ARHGEF10L: variants seen among roughly 807,000 people sequenced by gnomAD.
ARHGEF10L encodes the protein Rho guanine nucleotide exchange factor 10 like.
ARHGEF10L carries 69 observed loss-of-function variants against 141.2 expected under a neutral mutation model. The ratio of observed to expected loss-of-function variants is 0.49; its 90% CI spans 0.40 to 0.60. The LOEUF (loss-of-function observed/expected upper bound fraction) is 0.60, where lower values mean the gene tolerates loss of function less well. Ranked by LOEUF, ARHGEF10L falls within the 20% of genes least tolerant of loss-of-function variation. The probability of loss-of-function intolerance (pLI) is 0.00; values close to 1 mark genes in which losing one functional copy is unlikely to be tolerated. For synonymous variants in ARHGEF10L, 711 were observed against 718.5 expected (o/e 0.99, Z 0.17); for missense variants, 1,482 against 1,734.3 (o/e 0.85, Z 2.58).
rs1441766538 is a variant in ARHGEF10L at position 17,539,714 on chromosome 1, C to A, written c.-280C>A. ...GGCGGCGCCGCGTCGCGCACGGCGGCGGCGGCGGGACCAGGCCTCGGAGCG... is the reference window on the plus strand; with the variant it reads ...GGCGGCGCCGCGTCGCGCACGGCGGAGGCGGCGGGACCAGGCCTCGGAGCG... On this transcript the variant is annotated 5_prime_UTR_variant, in exon 1 of 29. Coordinates refer to ENST00000361221, the MANE Select transcript of ARHGEF10L (RefSeq NM_018125.4). The surrounding 1 kb of genome is among the most constrained non-coding windows in gnomAD (Gnocchi z 6.0). The A allele has an allele frequency of 1.4e-5, 2 of 144,962 alleles. No homozygotes were observed. Among genetic ancestry groups the A allele is most frequent in the Non-Finnish European group, 3.1e-5 (2 of 65,274 alleles). The allele number at this position is 144,962 out of a possible 1,614,324, so 9.0% of individuals were successfully genotyped here.
chr1:17,539,109 G>T (rs1445798397), upstream of ARHGEF10L, among the ~76,000 whole-genome samples: 1 of 152,150 alleles, frequency 6.6e-6, no homozygotes, highest in Non-Finnish European at 1.5e-5. This position sits in a 1 kb window ranked among gnomAD's most constrained non-coding sequence, Gnocchi z 6.0. Flanking sequence ...GGAAAATGGG[G>T]CTACATCACT....
At chr1:17,599,393 T>C (rs1260223434) in intron 4 of ARHGEF10L, among the ~76,000 whole-genome samples, 1 of 150,942 alleles carries the variant, frequency 6.6e-6, no homozygotes, top group Non-Finnish European at 1.5e-5. Flanking sequence ...GAGCAAGCAG[T>C]GCATGGCGGA....
In ARHGEF10L at chr1:17,656,181, G is replaced by A. The variant is rs527352937; in HGVS notation, c.2705+79G>A. The stretch of plus-strand genomic sequence containing the variant: ...GTGGGGGCTGTCCCTGTAGCCTTCC[G>A]GATCTGCCTGTTGCCCACCAACATT... On this transcript the variant is annotated intron_variant, in intron 24 of 28. Coordinates refer to ENST00000361221, the MANE Select transcript of ARHGEF10L (RefSeq NM_018125.4). The surrounding 1 kb of genome is among the most constrained non-coding windows in gnomAD (Gnocchi z 4.9). 1.5e-4 allele frequency: 210 copies of A among 1,436,410 alleles called. No individual in the cohort carries two copies. The African/African-American group carries it at 2.1e-3, about 14-fold the overall frequency. 89.0% of individuals were successfully genotyped at this position (1,436,410 alleles called of 1,614,324 possible).
chr1:17,623,133 G>A lies in ARHGEF10L; in HGVS notation c.1158G>A (p.Glu386=). 1 of 1,613,952 alleles carries A rather than the reference G, an allele frequency of 6.2e-7. No homozygotes were observed. The highest frequency in any genetic ancestry group is 8.5e-7 in the Non-Finnish European group (1 of 1,179,942). Residue 386 remains glutamate (E), a synonymous_variant, in exon 12 of 29, where the codon GAG becomes GAA. Coordinates refer to ENST00000361221, the MANE Select transcript of ARHGEF10L (RefSeq NM_018125.4). The surrounding 1 kb of genome is among the most constrained non-coding windows in gnomAD (Gnocchi z 4.7). ...FQIALSSRVA[E]WDSTEKIGDL... is the part of the protein sequence containing the mutation. ...TCGCCCTGTCCTCCCGCGTGGCTGA[G>A]TGGGATTCCACCGAGAAGATCGGGG...
At chr1:17,694,877 G>T in intron 27 of ARHGEF10L, 1 of 610,518 alleles carries the variant, frequency 1.6e-6, no homozygotes, top group South Asian at 1.5e-5. Context: ...CACAGACCAG[G>T]CGCTGTGCCT....
At chr1:17,626,334 G>T (rs888348020) in intron 14 of ARHGEF10L, among the ~76,000 whole-genome samples, 1 of 152,156 alleles carries the variant, frequency 6.6e-6, no homozygotes, top group African/African-American at 2.4e-5. Flanking sequence ...GGGACCCGCA[G>T]GGCTCCTGGC....
At chr1:17,661,599 A>G (rs1294109200) in intron 25 of ARHGEF10L, among the ~76,000 whole-genome samples, 1 of 152,052 alleles carries the variant, frequency 6.6e-6, no homozygotes, top group African/African-American at 2.4e-5. Flanking sequence ...GGTGGCTATC[A>G]CTGTTGGATA....
chr1:17,633,654 G>A (rs867321409), intron 16 of ARHGEF10L, among the ~76,000 whole-genome samples: 12 of 152,132 alleles, frequency 7.9e-5, no homozygotes, highest in Non-Finnish European at 1.3e-4. Context: ...GCCCCACCTC[G>A]ACACCACTTT....
chr1:17,682,084 G>A (rs2064171943), intron 26 of ARHGEF10L, among the ~76,000 whole-genome samples: 2 of 151,946 alleles, frequency 1.3e-5, no homozygotes, highest in Non-Finnish European at 2.9e-5. Flanking sequence ...ACCCCTTCGT[G>A]TTGGCTCCTG....
At chr1:17,538,930 A>T (rs1405660632), upstream of ARHGEF10L, among the ~76,000 whole-genome samples, 2 of 152,236 alleles carry the variant, frequency 1.3e-5, no homozygotes, top group Non-Finnish European at 2.9e-5. Flanking sequence ...ACTGTAATTA[A>T]TTGCATCATA....
the ARHGEF10L span, among the ~76,000 whole-genome samples, chr1:17,515,071 C>T: frequency 1.3e-5 from 2 of 152,152 alleles, no homozygotes; most frequent in Non-Finnish European, 2.9e-5. Flanking sequence ...GGATAAAATG[C>T]CCAGCCTGCT....
chr1:17,689,194 G>A (rs944671253), intron 27 of ARHGEF10L, among the ~76,000 whole-genome samples: 19 of 152,050 alleles, frequency 1.2e-4, no homozygotes, highest in Non-Finnish European at 8.8e-5. Context: ...TGGAGAAAGA[G>A]AGTTGGCTTG....
the ARHGEF10L span, among the ~76,000 whole-genome samples, chr1:17,518,961 G>A: frequency 6.6e-6 from 1 of 151,662 alleles, no homozygotes; most frequent in African/African-American, 2.4e-5. Context: ...CCTGAGGCTG[G>A]GAGTTCGAGA....
rs2063481147 is a variant in ARHGEF10L at position 17,673,889 on chromosome 1, T to G, written c.3009+9294T>G. Among the ~76,000 whole-genome samples the G allele has an allele frequency of 6.6e-6, 1 of 152,158 alleles. No individual in the cohort carries two copies. The highest frequency in any genetic ancestry group is 1.5e-5 in the Non-Finnish European group (1 of 68,034). On this transcript the variant is annotated intron_variant, in intron 26 of 28. Transcript: ENST00000361221. This position sits in a 1 kb window ranked among gnomAD's most constrained non-coding sequence, Gnocchi z 4.1. ...CACCACGTGTCAGTTGTTGTGTCAT[T>G]GTGGTCACAGGACTTGCTCAGGGTG... is the stretch of plus-strand genomic sequence containing the variant.
intron 26 of ARHGEF10L, among the ~76,000 whole-genome samples, chr1:17,678,127 T>C (rs1196864708): frequency 6.6e-6 from 1 of 152,104 alleles, no homozygotes; most frequent in African/African-American, 2.4e-5. Flanking sequence ...GCACAGGCAC[T>C]AGCTCAGCCC....
chr1:17,548,077 G>C lies in ARHGEF10L; in HGVS notation c.-44+8127G>C, dbSNP rs148196666. Among the ~76,000 whole-genome samples, 34 of 152,266 alleles carry C rather than the reference G, an allele frequency of 2.2e-4. No homozygotes were observed. The East Asian group carries it at 4.2e-3, about 19-fold the overall frequency. ...GTCATAAGGCATGGAGATTTGACAA[G>C]AAAGGGCAGGTAGGATGCTCATGAT... On this transcript the variant is annotated intron_variant, in intron 1 of 28. Transcript: ENST00000361221.
At chr1:17,580,695 G>C (rs764306267) in intron 2 of ARHGEF10L, 63 bp downstream of exon 2, 46 of 1,601,702 alleles carry the variant, frequency 2.9e-5, no homozygotes, top group Non-Finnish European at 3.7e-5. Flanking sequence ...CTGGGGGCCG[G>C]CGGAGGGCCT....
chr1:17,550,603 A>G (rs1433152638), intron 1 of ARHGEF10L, among the ~76,000 whole-genome samples: 1 of 149,446 alleles, frequency 6.7e-6, no homozygotes, highest in Non-Finnish European at 1.5e-5. Context: ...AGACTGTGCC[A>G]TTGCAGTATA....
chr1:17,564,765 G>A (rs948425407), intron 1 of ARHGEF10L, among the ~76,000 whole-genome samples: 2 of 152,206 alleles, frequency 1.3e-5, no homozygotes, highest in African/African-American at 4.8e-5. Flanking sequence ...TAGGAGTAAA[G>A]GGCTTGGATT....
Sources: gnomAD v4.1 joint callset for allele counts (sites outside exome capture counted in the v4.1 genomes callset) on GRCh38, gnomAD v4.1.1 for gene constraint, Gnocchi (gnomAD v3.1) non-coding constraint, MANE v1.5 for transcripts, NCBI Gene and HGNC (gene_info 2026-07-23, HGNC 2026-07-21) for gene names.